EIF1: variants seen among roughly 807,000 people sequenced by gnomAD.
EIF1 encodes the protein eukaryotic translation initiation factor 1.
In EIF1, 4 loss-of-function variants were observed where a neutral mutation model predicts 13.7. The observed-to-expected ratio is 0.29, with a 90% CI of 0.14 to 0.67. The LOEUF is 0.67. EIF1 is among the 30% of genes least tolerant of loss of function. The pLI is 0.77. For missense variants in EIF1, 64 were observed against 138.0 expected, an observed-to-expected ratio of 0.46 and a Z score of 2.69; for synonymous variants, 67 against 50.7, an observed-to-expected ratio of 1.32 and a Z score of -1.37.
chr17:41,689,748 G>T (rs766899641), intron 1 of EIF1, 30 bp from the exon 2 acceptor site: 3 of 1,564,108 alleles, frequency 1.9e-6, no homozygotes, highest in African/African-American at 2.7e-5. Flanking sequence ...ATCTTTGACA[G>T]CTCTGAACGA....
intron 1 of EIF1, chr17:41,689,373 G>T (rs1910298803): frequency 3.7e-6 from 2 of 545,300 alleles, no homozygotes; most frequent in Non-Finnish European, 6.5e-6. Flanking sequence ...CGTCACGTCC[G>T]TTACGTCACC....
intron 1 of EIF1, 147 bp downstream of exon 1, chr17:41,689,216 A>G (rs1910290455): frequency 1.1e-6 from 1 of 934,672 alleles, no homozygotes; most frequent in East Asian, 2.5e-5. Flanking sequence ...AGCGGGATCA[A>G]GGCCTGGGCC....
chr17:41,690,827 G>T lies in EIF1; in HGVS notation c.*1G>T, dbSNP rs3385. 2 of 1,613,470 alleles carry T rather than the reference G, an allele frequency of 1.2e-6. No homozygotes were observed. The highest frequency in any genetic ancestry group is 1.7e-6 in the Non-Finnish European group (2 of 1,179,864). Reference sequence around the variant, plus strand: ...TCAGCTGAAGGTTCATGGGTTTTAAGTGCTTGTGGCTCACTGAAGCTTAAG... The same window carrying T: ...TCAGCTGAAGGTTCATGGGTTTTAATTGCTTGTGGCTCACTGAAGCTTAAG... On this transcript the variant is annotated 3_prime_UTR_variant, in exon 4 of 4. Transcript: ENST00000469257.
intron 3 of EIF1, chr17:41,690,453 G>T (rs73300038): frequency 3.6e-6 from 2 of 549,440 alleles, no homozygotes; most frequent in African/African-American, 1.9e-5. Flanking sequence ...CCAAATGCTG[G>T]GTTGTTCCTG....
chr17:41,691,589 T>TA lies in EIF1; in HGVS notation c.*765dup, dbSNP rs1454772642. On this transcript the variant is annotated 3_prime_UTR_variant, in exon 4 of 4. Transcript: ENST00000469257. ...TTGGTTTTTTTTTCCCCTTCAGTTT[T>TA]AATGTTATGTGTAATGTATTTAAAC... The TA allele has an allele frequency of 6.6e-6, 1 of 152,666 alleles. No homozygotes were observed. The highest frequency in any genetic ancestry group is 1.5e-5 in the Non-Finnish European group (1 of 68,056). 9.5% of individuals were successfully genotyped at this position (152,666 alleles called of 1,614,324 possible). A position where few individuals can be genotyped will look rare whatever the true frequency, so the allele number is the denominator to read the frequency against.
chr17:41,689,211 GA>G, intron 1 of EIF1, 142 bp downstream of exon 1: 1 of 991,018 alleles, frequency 1.0e-6, no homozygotes. Flanking sequence ...AGGGCAGCGG[GA>G]TCAAGGCCTG....
At chr17:41,690,036 A>G in intron 2 of EIF1, 52 bp from the exon 3 acceptor site, 4 of 1,610,126 alleles carry the variant, frequency 2.5e-6, no homozygotes, top group Non-Finnish European at 3.4e-6. Context: ...AAGGGGTGAT[A>G]AATGCGTTCA....
chr17:41,689,132 T>C, intron 1 of EIF1, 63 bp downstream of exon 1: 1 of 1,584,774 alleles, frequency 6.3e-7, no homozygotes, highest in African/African-American at 1.3e-5. Flanking sequence ...CCCGGAGACG[T>C]GTTCCGGGAA....
chr17:41,690,067 C>T (rs770239389), intron 2 of EIF1, 21 bp from the exon 3 acceptor site: 7 of 1,612,876 alleles, frequency 4.3e-6, no homozygotes, highest in South Asian at 1.1e-5. Context: ...AGGCCTAATT[C>T]GTTTTCCTTT....
chr17:41,691,249 GTAC>G lies in EIF1; in HGVS notation c.*429_*431del, dbSNP rs1910368685. 2 of 324,030 alleles carry G rather than the reference GTAC, an allele frequency of 6.2e-6. No homozygotes were observed. The highest frequency in any genetic ancestry group is 4.2e-5 in the African/African-American group (2 of 47,342). The allele number at this position is 324,030 out of a possible 1,614,324, so 20.1% of individuals were successfully genotyped here. A position where few individuals can be genotyped will look rare whatever the true frequency, so the allele number is the denominator to read the frequency against. ...ATGGGGTAAGGCAGAAGCACCAGCT[GTAC>G]TACTAGAAGGGAGCTTTTGGTGGTA... On this transcript the variant is annotated 3_prime_UTR_variant, in exon 4 of 4. Coordinates refer to ENST00000469257, the MANE Select transcript of EIF1 (RefSeq NM_005801.4).
chr17:41,688,928 C>A lies in EIF1; in HGVS notation c.-111C>A, dbSNP rs1038465887. 5.3e-6 allele frequency: 6 copies of A among 1,142,376 alleles called. No homozygotes were observed. Among genetic ancestry groups the A allele is most frequent in the South Asian group, 3.9e-5 (3 of 76,214 alleles). The allele number at this position is 1,142,376 out of a possible 1,614,324, so 70.8% of individuals were successfully genotyped here. A position where few individuals can be genotyped will look rare whatever the true frequency, so the allele number is the denominator to read the frequency against. On this transcript the variant is annotated 5_prime_UTR_variant, in exon 1 of 4. Coordinates refer to ENST00000469257, the MANE Select transcript of EIF1 (RefSeq NM_005801.4). ...CCGCCGAGGATTCAGCAGCCTCCCC[C>A]TTGAGCCCCCTCGCTTCCCGACGTT...
chr17:41,690,058 G>A, intron 2 of EIF1, 30 bp from the exon 3 acceptor site: 1 of 1,612,182 alleles, frequency 6.2e-7, no homozygotes, highest in Non-Finnish European at 8.5e-7. Flanking sequence ...GCTCTTGCTA[G>A]GCCTAATTCG....
At chr17:41,689,452 G>A in intron 1 of EIF1, 1 of 474,930 alleles carries the variant, frequency 2.1e-6, no homozygotes, top group Non-Finnish European at 3.8e-6. Flanking sequence ...CACCAATGGG[G>A]GTGGGAGGCT....
At chr17:41,689,297 CAGT>C (rs1013048613) in intron 1 of EIF1, 9 of 602,810 alleles carry the variant, frequency 1.5e-5, no homozygotes, top group Admixed American at 3.0e-5. Context: ...CCCGGCGTCT[CAGT>C]GGCGCATTTA....
chr17:41,690,678 T>G (rs1910349091), intron 3 of EIF1, 104 bp from the exon 4 acceptor site: 4 of 1,310,112 alleles, frequency 3.1e-6, no homozygotes, highest in Non-Finnish European at 4.4e-6. Context: ...CACCCCTGGC[T>G]CTTGGGCAGT....
rs11550327 is a variant in EIF1 at position 41,688,960 on chromosome 17, C to T, written c.-79C>T. ...CCCCTCGCTTCCCGACGTTCCGTTC[C>T]CCCCTGCCCGCCTTCTCCCGCCACC... On this transcript the variant is annotated 5_prime_UTR_variant, in exon 1 of 4. Transcript: ENST00000469257. 1 of 1,491,780 alleles carries T rather than the reference C, an allele frequency of 6.7e-7. No individual in the cohort carries two copies. The highest frequency in any genetic ancestry group is 9.3e-7 in the Non-Finnish European group (1 of 1,076,302). The allele number at this position is 1,491,780 out of a possible 1,614,324, so 92.4% of individuals were successfully genotyped here. A position where few individuals can be genotyped will look rare whatever the true frequency, so the allele number is the denominator to read the frequency against.
rs778744622 is a variant in EIF1, at chr17:41,690,183, C to T, written c.291C>T (p.Leu97=). Residue 97 remains leucine, a synonymous_variant, in exon 3 of 4, where the codon CTC becomes CTT. Transcript: ENST00000469257. ...AACGCAAGAACATATGCCAGTTCCT[C>T]GTAGAGGTGAGTTCAGTCACTACTT... The part of the protein sequence containing the change: ...GDQRKNICQF[L]VEIGLAKDDQ... The T allele has an allele frequency of 5.6e-6, 9 of 1,613,132 alleles. No individual in the cohort carries two copies. In the African/African-American group the frequency reaches 6.7e-5, roughly 12 times the overall value.
chr17:41,691,777 G>A lies in EIF1; in HGVS notation c.*951G>A, dbSNP rs1041895178. On this transcript the variant is annotated 3_prime_UTR_variant, in exon 4 of 4. Coordinates refer to ENST00000469257, the MANE Select transcript of EIF1 (RefSeq NM_005801.4). Reference sequence around the variant, plus strand: ...GAATTTGGCCAAGAAAAACCTTTATGAGCTTGTCCCTCTCTGGTCAACTGG... The same window carrying A: ...GAATTTGGCCAAGAAAAACCTTTATAAGCTTGTCCCTCTCTGGTCAACTGG... The A allele has an allele frequency of 5.2e-5, 8 of 152,526 alleles. No individual in the cohort carries two copies. The highest frequency in any genetic ancestry group is 1.0e-4 in the Non-Finnish European group (7 of 68,046). 9.4% of individuals were successfully genotyped at this position (152,526 alleles called of 1,614,324 possible). A position where few individuals can be genotyped will look rare whatever the true frequency, so the allele number is the denominator to read the frequency against.
rs1910392419 is a variant in EIF1, at chr17:41,691,943, C to G, written c.*1117C>G. ...TCAGCCTCCCTAGTAGCTGGGATTACAGGCACCATGCCCAGCTAACTTTTG... is the reference window on the plus strand; with the variant it reads ...TCAGCCTCCCTAGTAGCTGGGATTAGAGGCACCATGCCCAGCTAACTTTTG... On this transcript the variant is annotated 3_prime_UTR_variant, in exon 4 of 4. Coordinates refer to ENST00000469257, the MANE Select transcript of EIF1 (RefSeq NM_005801.4). The G allele has an allele frequency of 6.6e-6, 1 of 152,274 alleles. No individual in the cohort carries two copies. Among genetic ancestry groups the G allele is most frequent in the Non-Finnish European group, 1.5e-5 (1 of 68,088 alleles). 9.4% of individuals were successfully genotyped at this position (152,274 alleles called of 1,614,324 possible). A position where few individuals can be genotyped will look rare whatever the true frequency, so the allele number is the denominator to read the frequency against.
Sources: gnomAD v4.1 joint callset for allele counts on GRCh38, gnomAD v4.1.1 for gene constraint, MANE v1.5 for transcripts, NCBI Gene and HGNC (gene_info 2026-07-23, HGNC 2026-07-21) for gene names.